BCL9L: variants seen among roughly 807,000 people sequenced by gnomAD.
BCL9L encodes B-cell CLL/lymphoma 9-like protein.
A neutral mutation model predicts 99.4 loss-of-function variants in BCL9L; 19 were observed. The ratio of observed to expected loss-of-function variants is 0.19; its 90% CI spans 0.13 to 0.28. The LOEUF (loss-of-function observed/expected upper bound fraction) is 0.28. Ranked by LOEUF, BCL9L falls within the 10% of genes least tolerant of loss-of-function variation. The probability of loss-of-function intolerance (pLI) is 1.00; values close to 1 mark genes in which losing one functional copy is unlikely to be tolerated. For synonymous variants in BCL9L, 900 were observed against 854.8 expected (o/e 1.05, Z -0.92); for missense variants, 2,023 against 2,101.6 (o/e 0.96, Z 0.73).
At chr11:118,908,715 A>G in intron 3 of BCL9L, 60 bp from the exon 4 acceptor site, 1 of 1,478,488 alleles carries the variant, frequency 6.8e-7, no homozygotes, top group East Asian at 2.3e-5. Context: ...GCATGCCTGC[A>G]ACTTAATTAC....
At chr11:118,904,471 A>G (rs1467238834) in intron 5 of BCL9L, among the ~76,000 whole-genome samples, 1 of 152,204 alleles carries the variant, frequency 6.6e-6, no homozygotes, top group Admixed American at 6.5e-5. Flanking sequence ...AATAAGAAAG[A>G]AAAAACAGTT....
chr11:118,916,157 C>G (rs1940956168), intron 2 of BCL9L, among the ~76,000 whole-genome samples: 1 of 152,218 alleles, frequency 6.6e-6, no homozygotes, highest in Non-Finnish European at 1.5e-5. Flanking sequence ...CCTCATCCCC[C>G]AGGCCCATGG....
rs754392880 is a variant in BCL9L at position 118,899,263 on chromosome 11, G to T, written c.3652C>A (p.Pro1218Thr). The T allele has an allele frequency of 2.4e-5, 36 of 1,525,874 alleles. No individual in the cohort carries two copies. The Admixed American group carries it at 7.5e-4, about 32-fold the overall frequency. The allele number at this position is 1,525,874 out of a possible 1,614,324, so 94.5% of individuals were successfully genotyped here. Residue 1218 changes from proline to threonine, a missense_variant, in exon 10 of 10, where the codon CCA (proline) becomes ACA (threonine). Physicochemically the swap from Pro to Thr is conservative, Grantham distance 38. Transcript: ENST00000683865. ...ATCATCTGGGAGGAGCTGGGCACTG[G>T]GCCACAGGGGGCATTCAGGGAGTCG... ...GPDSLNAPCG[P>T]VPSSSQMMPF...
At position 118,903,049 on chromosome 11, in the gene BCL9L, G is replaced by T. The variant is rs373590068; in HGVS notation, c.775C>A (p.Arg259=). The change falls in exon 7 of 10, where the codon CGG becomes AGG. Residue 259 remains arginine, a synonymous_variant. Transcript: ENST00000683865. This position sits in a 1 kb window ranked among gnomAD's most constrained non-coding sequence, Gnocchi z 5.6. ...NTAAEAVLQG[R]ADSILAYHQQ... ...TGGTAGGCGAGGATGGAGTCGGCCC[G>T]GCCCTGCAGCACTGCCTCTGCAGCC... is the stretch of plus-strand genomic sequence containing the variant. 2 of 1,588,220 alleles carry T rather than the reference G, an allele frequency of 1.3e-6. No homozygotes were observed. Among genetic ancestry groups the T allele is most frequent in the Admixed American group, 1.7e-5 (1 of 57,212 alleles).
In BCL9L at chr11:118,902,054, A is replaced by T. The variant is rs1313868862; in HGVS notation, c.1689T>A (p.Pro563=). 1.2e-6 allele frequency: 2 copies of T among 1,614,070 alleles called. No individual in the cohort carries two copies. Among genetic ancestry groups the T allele is most frequent in the Non-Finnish European group, 1.7e-6 (2 of 1,179,996 alleles). ...ACTGATCCCCAGGCTTGCTGTGGTA[A>T]GGAGGCGGGGGCCCCCTCACCATCA... The part of the protein sequence containing the change: ...GGMMVRGPPP[P]YHSKPGDQWP... The change falls in exon 8 of 10, where the codon CCT becomes CCA. Residue 563 remains proline, a synonymous_variant. Transcript: ENST00000683865. The surrounding 1 kb of genome is among the most constrained non-coding windows in gnomAD (Gnocchi z 7.8).
In BCL9L at chr11:118,898,310, T is replaced by G; in HGVS notation, c.*105A>C. ...CCTACACAAGCCCCCTCCCACCCCC[T>G]CCACCCCACCCCGCGACCCAGGCCA... is the stretch of plus-strand genomic sequence containing the variant. On this transcript the variant is annotated 3_prime_UTR_variant, in exon 10 of 10. Transcript: ENST00000683865. 4.3e-6 allele frequency: 1 copy of G among 232,512 alleles called. No homozygotes were observed. The highest frequency in any genetic ancestry group is 6.9e-6 in the Non-Finnish European group (1 of 144,222). The allele number at this position is 232,512 out of a possible 1,614,324, so 14.4% of individuals were successfully genotyped here.
Position 118,901,490 on chromosome 11 carries a change from A to T in BCL9L, c.2253T>A (p.Pro751=). ...CCCTCAGCCCAGACTGCCCCATGGG[A>T]GGGCTCAGGAGGCCCCGGCCTCCAC... The part of the protein sequence containing the change: ...EFGGGRGLLS[P]PMGQSGLREV... The change falls in exon 8 of 10, where the codon CCT becomes CCA. Residue 751 remains proline (P), a synonymous_variant. Coordinates refer to ENST00000683865, the MANE Select transcript of BCL9L (RefSeq NM_001378213.1). The surrounding 1 kb of genome is among the most constrained non-coding windows in gnomAD (Gnocchi z 6.6). 1.2e-6 allele frequency: 2 copies of T among 1,614,004 alleles called. No homozygotes were observed. The highest frequency in any genetic ancestry group is 1.7e-6 in the Non-Finnish European group (2 of 1,179,976).
At position 118,925,568 on chromosome 11, in the gene BCL9L, C is replaced by G. The variant is rs1941255779; in HGVS notation, c.-461G>C. The G allele has an allele frequency of 1.0e-3, 1 of 996 alleles. No individual in the cohort carries two copies. The highest frequency in any genetic ancestry group is 6.7e-3 in the African/African-American group (1 of 150). 0.1% of individuals were successfully genotyped at this position (996 alleles called of 1,614,324 possible). A position where few individuals can be genotyped will look rare whatever the true frequency, so the allele number is the denominator to read the frequency against. On this transcript the variant is annotated 5_prime_UTR_variant, in exon 1 of 10. Transcript: ENST00000683865. The surrounding 1 kb of genome is among the most constrained non-coding windows in gnomAD (Gnocchi z 6.4). ...CCGAACCTCAGGGCTCCGGCTCCTG[C>G]TCCTGCTCCTCCTTCCCTTGCTTGC...
At chr11:118,916,892 T>C (rs989309575) in intron 2 of BCL9L, among the ~76,000 whole-genome samples, 4 of 152,210 alleles carry the variant, frequency 2.6e-5, no homozygotes, top group African/African-American at 7.2e-5. Context: ...AGGCGGCCAT[T>C]TAAGCCATTT....
chr11:118,918,327 G>A (rs1448024449), intron 2 of BCL9L, among the ~76,000 whole-genome samples: 2 of 151,816 alleles, frequency 1.3e-5, no homozygotes, highest in Non-Finnish European at 2.9e-5. Flanking sequence ...GCATGTGTAC[G>A]CTAGGGGACC....
rs770914704 is a variant in BCL9L, at chr11:118,922,604, C to G, written c.-131+2634G>C. Among the ~76,000 whole-genome samples the G allele has an allele frequency of 9.2e-5, 14 of 152,064 alleles. No individual in the cohort carries two copies. Among genetic ancestry groups the G allele is most frequent in the Non-Finnish European group, 1.9e-4 (13 of 67,986 alleles). On this transcript the variant is annotated intron_variant, in intron 1 of 9. Coordinates refer to ENST00000683865, the MANE Select transcript of BCL9L (RefSeq NM_001378213.1). The surrounding 1 kb of genome is among the most constrained non-coding windows in gnomAD (Gnocchi z 6.2). ...CCCACCCCAGGGAGAGCGGGCCTGG[C>G]AGAGGCTCCCTGCCCGCGGCACCCA...
In BCL9L at chr11:118,903,352, G is replaced by A. The variant is rs540383108; in HGVS notation, c.633C>T (p.His211=). Residue 211 remains histidine (H), a synonymous_variant, in exon 6 of 10, where the codon CAC becomes CAT. Transcript: ENST00000683865. This position sits in a 1 kb window ranked among gnomAD's most constrained non-coding sequence, Gnocchi z 5.6. ...LSESSVPGAP[H]GPPPGLRPDA... is the part of the protein sequence containing the mutation. ...CAGGCCGAAGGCCAGGAGGAGGGCC[G>A]TGCGGGGCGCCTGGCACGCTGCTCT... 1.6e-5 allele frequency: 25 copies of A among 1,601,184 alleles called. No homozygotes were observed. The highest frequency in any genetic ancestry group is 4.5e-5 in the East Asian group (2 of 44,392).
Position 118,901,847 on chromosome 11 carries a change from G to A in BCL9L, c.1896C>T (p.Pro632=), listed in dbSNP as rs202106627. 113 of 1,609,616 alleles carry A rather than the reference G, an allele frequency of 7.0e-5. No homozygotes were observed. The highest frequency in any genetic ancestry group is 8.9e-5 in the East Asian group (4 of 44,726). ...CGGTCCAGCCCATGCCTGGTCTCAC[G>A]GGCCTCTGCATGGCATTCATGGGCA... ...MEVPMNAMQR[P]VRPGMGWTED... The change falls in exon 8 of 10, where the codon CCC becomes CCT. Residue 632 remains proline, a synonymous_variant. Transcript: ENST00000683865. This position sits in a 1 kb window ranked among gnomAD's most constrained non-coding sequence, Gnocchi z 6.6.
At position 118,897,862 on chromosome 11, in the gene BCL9L, C is replaced by T. The variant is rs1182308515; in HGVS notation, c.*553G>A. Reference sequence around the variant, plus strand: ...TACAGCTCCGGCTGGCACCTGCCCACCTGGCCAGCCGCCTGCAGGGAGGGG... The same window carrying T: ...TACAGCTCCGGCTGGCACCTGCCCATCTGGCCAGCCGCCTGCAGGGAGGGG... On this transcript the variant is annotated 3_prime_UTR_variant, in exon 10 of 10. Coordinates refer to ENST00000683865, the MANE Select transcript of BCL9L (RefSeq NM_001378213.1). 2 of 457,056 alleles carry T rather than the reference C, an allele frequency of 4.4e-6. No homozygotes were observed. The highest frequency in any genetic ancestry group is 2.4e-5 in the Admixed American group (1 of 42,506). The allele number at this position is 457,056 out of a possible 1,614,324, so 28.3% of individuals were successfully genotyped here.
intron 5 of BCL9L, among the ~76,000 whole-genome samples, chr11:118,904,043 T>C (rs1288087922): frequency 6.6e-6 from 1 of 152,212 alleles, no homozygotes; most frequent in Non-Finnish European, 1.5e-5. Flanking sequence ...TCTTCATCTA[T>C]AAAATGTAAA....
At chr11:118,919,711 G>T (rs1328163269) in intron 1 of BCL9L, among the ~76,000 whole-genome samples, 6 of 152,094 alleles carry the variant, frequency 3.9e-5, no homozygotes, top group African/African-American at 1.4e-4. Flanking sequence ...CCTGAGATGG[G>T]GTCTGCTGGG....
At chr11:118,910,635 CG>C (rs1565626051) in intron 2 of BCL9L, 1 of 152,682 alleles carries the variant, frequency 6.5e-6, no homozygotes, top group African/African-American at 2.4e-5. Context: ...CCGCCCCCTT[CG>C]GCAGAGCCCG....
chr11:118,921,961 AG>A lies in BCL9L; in HGVS notation c.-130-3083del, dbSNP rs2134445435. ...ACAGGTTCCAGGACCCCCCACACTC[AG>A]AGCAGGCTGTGGGCATCCCCCTGGG... On this transcript the variant is annotated intron_variant, in intron 1 of 9. Transcript: ENST00000683865. The surrounding 1 kb of genome is among the most constrained non-coding windows in gnomAD (Gnocchi z 5.4). 6.6e-6 allele frequency among the ~76,000 whole-genome samples: 1 copy of A among 152,286 alleles called. No individual in the cohort carries two copies. Among genetic ancestry groups the A allele is most frequent in the African/African-American group, 2.4e-5 (1 of 41,562 alleles).
In BCL9L at chr11:118,902,264, C is replaced by A. The variant is rs200197563; in HGVS notation, c.1479G>T (p.Pro493=). ...PLEHEVPGHP[P]GGDMGQQMNM... ...TCATCTGCTGCCCCATGTCCCCACC[C>A]GGGGGGTGCCCAGGCACTTCATGCT... Residue 493 remains proline, a synonymous_variant, in exon 8 of 10, where the codon CCG becomes CCT. Transcript: ENST00000683865. The surrounding 1 kb of genome is among the most constrained non-coding windows in gnomAD (Gnocchi z 7.8). The A allele has an allele frequency of 6.3e-7, 1 of 1,598,440 alleles. No individual in the cohort carries two copies. The highest frequency in any genetic ancestry group is 8.5e-7 in the Non-Finnish European group (1 of 1,170,630).
Sources: allele counts gnomAD v4.1 joint callset (sites outside exome capture counted in the v4.1 genomes callset), GRCh38; gene constraint gnomAD v4.1.1; non-coding constraint Gnocchi (gnomAD v3.1); transcripts MANE v1.5; gene names NCBI Gene and HGNC (gene_info 2026-07-23, HGNC 2026-07-21).